Variants in ASTN1 observed in about 807,000 individuals in gnomAD.
The protein encoded by ASTN1 is astrotactin 1, also known as astrotactin-1.
ASTN1 carries 41 observed loss-of-function variants against 140.7 expected under a neutral mutation model. The ratio of observed to expected loss-of-function variants is 0.29; its 90% confidence interval spans 0.23 to 0.38. ASTN1 has a LOEUF of 0.38. Ranked by LOEUF, ASTN1 falls within the 10% of genes least tolerant of loss-of-function variation. ASTN1 has a pLI of 1.00. For missense variants in ASTN1, 1,479 were observed against 1,678.8 expected, an observed-to-expected ratio of 0.88 and a Z score of 2.08; for synonymous variants, 640 against 652.2, an observed-to-expected ratio of 0.98 and a Z score of 0.29.
At chr1:177,077,478 A>G (rs1186512581) in intron 1 of ASTN1, among the ~76,000 whole-genome samples, 1 of 152,192 alleles carries the variant, frequency 6.6e-6, no homozygotes, top group Non-Finnish European at 1.5e-5. Flanking sequence ...AAGCCCAATA[A>G]GGATTATAAC....
In ASTN1 at chr1:176,876,621, C is replaced by T; in HGVS notation, c.3379G>A (p.Val1127Met). ...DTIYMFTLWG[V>M]DNTGRRSRPS... ...CTGGAGCGCCGTCCTGTGTTGTCCACTCCCCACAGCGTGAACCTGGCAGGG... is the reference window on the plus strand; with the variant it reads ...CTGGAGCGCCGTCCTGTGTTGTCCATTCCCCACAGCGTGAACCTGGCAGGG... Residue 1127 changes from valine (V) to methionine (M), a missense_variant, in exon 21 of 23, where the codon GTG becomes ATG. Val to Met is a conservative substitution (Grantham distance 21). Coordinates refer to ENST00000361833, the MANE Select transcript of ASTN1 (RefSeq NM_004319.3). The T allele has an allele frequency of 6.2e-7, 1 of 1,614,138 alleles. No individual in the cohort carries two copies. Among genetic ancestry groups the T allele is most frequent in the Non-Finnish European group, 8.5e-7 (1 of 1,179,998 alleles).
In ASTN1 at chr1:176,888,089, G is replaced by A. The variant is rs746027441; in HGVS notation, c.3056C>T (p.Ala1019Val). The change falls in exon 18 of 23, where the codon GCG becomes GTG. Residue 1019 changes from alanine to valine, a missense_variant. Coordinates refer to ENST00000361833, the MANE Select transcript of ASTN1 (RefSeq NM_004319.3). Reference protein sequence around the residue: ...AFGADGLPTCAPLPQPVLRLS... With the variant: ...AFGADGLPTCVPLPQPVLRLS... ...ACCATACACAGGCTGTGGGAGAGGC[G>A]CACAGGTGGGGAGTCCATCAGCTCC... The A allele has an allele frequency of 2.4e-5, 38 of 1,614,092 alleles. No individual in the cohort carries two copies. The East Asian group carries it at 3.6e-4, about 15-fold the overall frequency.
intron 1 of ASTN1, among the ~76,000 whole-genome samples, chr1:177,068,507 T>G (rs572774670): frequency 1.1e-3 from 165 of 152,142 alleles, no homozygotes; most frequent in Non-Finnish European, 2.2e-3. Context: ...CATGAGTGAT[T>G]CAGTGATGAG....
At chr1:176,982,152 C>T (rs540650798) in intron 8 of ASTN1, among the ~76,000 whole-genome samples, 2 of 152,316 alleles carry the variant, frequency 1.3e-5, no homozygotes, top group African/African-American at 4.8e-5. Flanking sequence ...AAATTTCCTT[C>T]TCCAGGGGAC....
chr1:177,030,597 A>T (rs576214131), intron 4 of ASTN1, among the ~76,000 whole-genome samples: 153 of 152,342 alleles, frequency 1.0e-3, no homozygotes, highest in Non-Finnish European at 1.7e-3. Flanking sequence ...ATTTCCTAAG[A>T]ATAGACTCTT....
intron 1 of ASTN1, among the ~76,000 whole-genome samples, chr1:177,115,792 A>G (rs1307452605): frequency 2.0e-5 from 3 of 152,156 alleles, no homozygotes; most frequent in African/African-American, 7.2e-5. Context: ...ACCCATTCCC[A>G]TAGATAACTA....
At chr1:177,104,797 C>A (rs1680473804) in intron 1 of ASTN1, among the ~76,000 whole-genome samples, 1 of 152,174 alleles carries the variant, frequency 6.6e-6, no homozygotes, top group Admixed American at 6.5e-5. Context: ...GGGGTCTAGA[C>A]CGTTCCTCCT....
chr1:177,106,667 G>C (rs1680557645), intron 1 of ASTN1, among the ~76,000 whole-genome samples: 1 of 152,174 alleles, frequency 6.6e-6, no homozygotes, highest in Admixed American at 6.5e-5. Flanking sequence ...GCCAAAAGGA[G>C]GTTTACTCTA....
chr1:176,868,942 C>T lies in ASTN1; in HGVS notation c.3549G>A (p.Leu1183=), dbSNP rs201097215. The change falls in exon 22 of 23, where the codon CTG becomes CTA. Residue 1183 remains leucine, a synonymous_variant. Transcript: ENST00000361833. ...QQTAYNTLLD[L]GSPTLHRVLY... Reference sequence around the variant, plus strand: ...GGACCCGGTGTAAGGTGGGGGAACCCAGATCCAGGAGGGTGTTGTAGGCGG... The same window carrying T: ...GGACCCGGTGTAAGGTGGGGGAACCTAGATCCAGGAGGGTGTTGTAGGCGG... The T allele has an allele frequency of 5.6e-6, 9 of 1,612,902 alleles. No homozygotes were observed. Among genetic ancestry groups the T allele is most frequent in the African/African-American group, 5.3e-5 (4 of 74,892 alleles).
intron 1 of ASTN1, among the ~76,000 whole-genome samples, chr1:177,111,661 T>C (rs997686808): frequency 5.3e-5 from 8 of 152,174 alleles, no homozygotes; most frequent in African/African-American, 1.9e-4. Flanking sequence ...GCTGATAAGA[T>C]ATAGAGTTGG....
intron 1 of ASTN1, among the ~76,000 whole-genome samples, chr1:177,081,404 T>A (rs1679173931): frequency 6.6e-6 from 1 of 152,002 alleles, no homozygotes; most frequent in African/African-American, 2.4e-5. Context: ...AGTAATGCAA[T>A]AAAGGGTCAG....
intron 5 of ASTN1, among the ~76,000 whole-genome samples, chr1:177,027,725 T>TGTGC (rs1264124667): frequency 9.1e-6 from 1 of 109,440 alleles, no homozygotes; most frequent in Non-Finnish European, 2.2e-5. Flanking sequence ...TGTGTGTGTG[T>TGTGC]GTGTGTGTGT....
intron 1 of ASTN1, among the ~76,000 whole-genome samples, chr1:177,162,212 G>T (rs1418633867): frequency 1.3e-5 from 2 of 152,106 alleles, no homozygotes; most frequent in African/African-American, 2.4e-5. Flanking sequence ...CCATAAATTT[G>T]GACTCCTCTT....
chr1:177,033,455 A>G (rs1676557189), intron 2 of ASTN1, among the ~76,000 whole-genome samples: 1 of 152,226 alleles, frequency 6.6e-6, no homozygotes, highest in South Asian at 2.1e-4. Context: ...CTAGCATAAT[A>G]TATCTCACAC....
intron 22 of ASTN1, among the ~76,000 whole-genome samples, chr1:176,865,982 C>T (rs1014628045): frequency 6.6e-6 from 1 of 152,164 alleles, no homozygotes; most frequent in Non-Finnish European, 1.5e-5. Flanking sequence ...AATTACCTCC[C>T]CTGAGGTCCC....
At chr1:176,920,525 C>T (rs760427680) in intron 16 of ASTN1, among the ~76,000 whole-genome samples, 2 of 152,218 alleles carry the variant, frequency 1.3e-5, no homozygotes, top group Non-Finnish European at 2.9e-5. Context: ...CGGGGTCCCT[C>T]TGAGGGCAGC....
intron 5 of ASTN1, among the ~76,000 whole-genome samples, chr1:177,025,414 G>A (rs1571668641): frequency 6.6e-6 from 1 of 151,924 alleles, no homozygotes; most frequent in Non-Finnish European, 1.5e-5. Context: ...AGGGAAGAGT[G>A]TTTTGTTTCT....
chr1:177,097,135 A>C (rs1206439387), intron 1 of ASTN1, among the ~76,000 whole-genome samples: 1 of 152,126 alleles, frequency 6.6e-6, no homozygotes, highest in Non-Finnish European at 1.5e-5. Context: ...ACCCATACAG[A>C]GATCTTAAGT....
At chr1:176,918,162 G>A (rs143344846) in intron 16 of ASTN1, among the ~76,000 whole-genome samples, 105 of 152,002 alleles carry the variant, frequency 6.9e-4, no homozygotes, top group African/African-American at 5.8e-4. Flanking sequence ...TCTTCTTTGC[G>A]GCACCCCCTA....
Sources: gnomAD v4.1 joint callset for allele counts (sites outside exome capture counted in the v4.1 genomes callset) on GRCh38, gnomAD v4.1.1 for gene constraint, MANE v1.5 for transcripts, NCBI Gene and HGNC (gene_info 2026-07-23, HGNC 2026-07-21) for gene names.